NFIB: variants seen among roughly 807,000 people sequenced by gnomAD.
NFIB encodes the protein nuclear factor 1 B-type.
In NFIB, 11 loss-of-function variants were observed where a neutral mutation model predicts 61.5. The observed-to-expected ratio is 0.18, with a 90% CI of 0.11 to 0.30. NFIB has a LOEUF of 0.30. NFIB is among the 10% of genes least tolerant of loss of function. The probability of loss-of-function intolerance (pLI) is 1.00; values close to 1 mark genes in which losing one functional copy is unlikely to be tolerated. For synonymous variants in NFIB, 260 were observed against 216.5 expected (o/e 1.20, Z -1.76); for missense variants, 471 against 608.9 (o/e 0.77, Z 2.38).
intron 10 of NFIB, 126 bp downstream of exon 10, chr9:14,112,873 A>C: frequency 1.4e-6 from 1 of 739,482 alleles, no homozygotes; most frequent in Non-Finnish European, 2.2e-6. Flanking sequence ...CTGGGAAATG[A>C]AATGATCAGT....
intron 6 of NFIB, among the ~76,000 whole-genome samples, chr9:14,127,725 T>C (rs1381989570): frequency 2.0e-5 from 3 of 152,182 alleles, no homozygotes; most frequent in Non-Finnish European, 4.4e-5. Context: ...ACCTAAGCTC[T>C]GGTAAAGGCA....
At chr9:14,089,350 G>GAATT (rs1351554796) in intron 10 of NFIB, among the ~76,000 whole-genome samples, 1 of 142,474 alleles carries the variant, frequency 7.0e-6, no homozygotes, top group African/African-American at 2.7e-5. Context: ...CGCCTATGCT[G>GAATT]AATTACAGGC....
chr9:14,360,729 A>C (rs2132943978), intron 1 of NFIB, among the ~76,000 whole-genome samples: 1 of 152,042 alleles, frequency 6.6e-6, no homozygotes, highest in South Asian at 2.1e-4. Flanking sequence ...TATTTTTAGT[A>C]GAGACGGGGT....
intron 10 of NFIB, among the ~76,000 whole-genome samples, chr9:14,102,061 A>G (rs1038589627): frequency 1.3e-5 from 2 of 152,186 alleles, no homozygotes; most frequent in Non-Finnish European, 2.9e-5. Context: ...CAATGTGAAA[A>G]CCAATGCTTT....
At chr9:14,288,116 C>A (rs185899357) in intron 2 of NFIB, among the ~76,000 whole-genome samples, 4 of 152,124 alleles carry the variant, frequency 2.6e-5, no homozygotes, top group Admixed American at 6.5e-5. Flanking sequence ...GAATTATCTT[C>A]TCAATTCCAA....
chr9:14,387,434 G>A (rs2061561856), intron 1 of NFIB, among the ~76,000 whole-genome samples: 1 of 152,144 alleles, frequency 6.6e-6, no homozygotes, highest in African/African-American at 2.4e-5. Flanking sequence ...ATGTAAGCCA[G>A]GTATTGGAGT....
the NFIB span, among the ~76,000 whole-genome samples, chr9:14,436,926 G>A: frequency 1.5e-3 from 218 of 149,334 alleles, 1 homozygote; most frequent in Non-Finnish European, 2.6e-3. Flanking sequence ...CTGGCACCCC[G>A]GAAGGAAATT....
At chr9:14,196,450 C>T (rs191492789) in intron 2 of NFIB, among the ~76,000 whole-genome samples, 1 of 152,034 alleles carries the variant, frequency 6.6e-6, no homozygotes, top group African/African-American at 2.4e-5. Flanking sequence ...GAAGGGGGTT[C>T]CTGTTTAAGG....
the NFIB span, among the ~76,000 whole-genome samples, chr9:14,443,623 G>C: frequency 6.6e-6 from 1 of 152,120 alleles, no homozygotes. Flanking sequence ...AACACTCTCG[G>C]AGATATCTCT....
intron 10 of NFIB, chr9:14,093,313 AC>A (rs1303742976): frequency 6.6e-6 from 1 of 152,124 alleles, no homozygotes; most frequent in Non-Finnish European, 1.5e-5. Context: ...TTTCAGGGGA[AC>A]AATAGTATTG....
the NFIB span, among the ~76,000 whole-genome samples, chr9:14,445,860 A>G: frequency 1.3e-5 from 2 of 152,092 alleles, no homozygotes; most frequent in Non-Finnish European, 2.9e-5. Flanking sequence ...TTCTTCTTGC[A>G]TCTTTGATGT....
chr9:14,333,946 T>G (rs2060852288), intron 1 of NFIB, among the ~76,000 whole-genome samples: 2 of 152,232 alleles, frequency 1.3e-5, no homozygotes. Flanking sequence ...GGTTTTGAAC[T>G]TTACATAAGA....
At chr9:14,260,120 GGT>G (rs993992700) in intron 2 of NFIB, among the ~76,000 whole-genome samples, 5 of 152,108 alleles carry the variant, frequency 3.3e-5, no homozygotes, top group Non-Finnish European at 5.9e-5. Context: ...AAGACACTGG[GGT>G]GAGAACACGT....
intron 10 of NFIB, chr9:14,102,595 T>C (rs995538142): frequency 9.0e-6 from 8 of 887,762 alleles, no homozygotes; most frequent in Admixed American, 6.3e-5. Context: ...AAACTAGTAC[T>C]GTACATGGCA....
the NFIB span, among the ~76,000 whole-genome samples, chr9:14,488,260 G>A: frequency 6.6e-6 from 1 of 151,888 alleles, no homozygotes; most frequent in African/African-American, 2.4e-5. Flanking sequence ...CTACTCAAGG[G>A]GCTGCAGTGG....
chr9:14,292,588 G>C (rs1250103631), intron 2 of NFIB, among the ~76,000 whole-genome samples: 2 of 152,156 alleles, frequency 1.3e-5, no homozygotes, highest in Non-Finnish European at 2.9e-5. Flanking sequence ...TGTCCTCTAG[G>C]CCAATTCTCT....
At chr9:14,095,982 CTTTT>C (rs1380665874) in intron 10 of NFIB, among the ~76,000 whole-genome samples, 4 of 152,010 alleles carry the variant, frequency 2.6e-5, no homozygotes, top group Non-Finnish European at 5.9e-5. Flanking sequence ...TTTGCCATTT[CTTTT>C]ATCATTTATT....
intron 2 of NFIB, among the ~76,000 whole-genome samples, chr9:14,265,393 C>T (rs1450000713): frequency 6.6e-6 from 1 of 152,080 alleles, no homozygotes; most frequent in South Asian, 2.1e-4. Flanking sequence ...GGGTGGGGCC[C>T]TAATATGACA....
the NFIB span, among the ~76,000 whole-genome samples, chr9:14,483,799 A>G: frequency 6.6e-6 from 1 of 152,210 alleles, no homozygotes; most frequent in Non-Finnish European, 1.5e-5. Context: ...TTCTTTGCTG[A>G]AGAATATTAT....
Sources: gnomAD v4.1 joint callset for allele counts (sites outside exome capture counted in the v4.1 genomes callset) on GRCh38, gnomAD v4.1.1 for gene constraint, MANE v1.5 for transcripts, NCBI Gene and HGNC (gene_info 2026-07-23, HGNC 2026-07-21) for gene names.